Variants in PITPNM3 observed in about 807,000 individuals in gnomAD.
The protein encoded by PITPNM3 is PITPNM family member 3.
PITPNM3 carries 26 observed loss-of-function variants against 102.0 expected under a neutral mutation model. The observed-to-expected ratio is 0.25, with a 90% CI of 0.19 to 0.35. The LOEUF is 0.35. PITPNM3 is among the 10% of genes least tolerant of loss of function. The pLI is 1.00. For synonymous variants in PITPNM3, 578 were observed against 558.6 expected (o/e 1.03, Z -0.49); for missense variants, 1,083 against 1,346.1 (o/e 0.80, Z 3.06).
intron 6 of PITPNM3, among the ~76,000 whole-genome samples, chr17:6,482,091 A>C: frequency 8.1e-6 from 1 of 123,960 alleles, no homozygotes; most frequent in Non-Finnish European, 1.7e-5. Flanking sequence ...TCTCTCTGAC[A>C]TTCTCCTGCC....
chr17:6,554,345 G>C (rs1341189946), intron 1 of PITPNM3, among the ~76,000 whole-genome samples: 2 of 147,104 alleles, frequency 1.4e-5, no homozygotes, highest in African/African-American at 5.0e-5. Context: ...AAAAAGGAGA[G>C]AAGGGACATT....
chr17:6,482,258 G>A (rs150593951), intron 6 of PITPNM3, among the ~76,000 whole-genome samples: 2,709 of 152,044 alleles, frequency 0.018, 25 homozygotes, highest in Non-Finnish European at 0.025. Flanking sequence ...TGGGTTTCCC[G>A]ACTTGGTCTG....
At chr17:6,489,210 G>A (rs957251574) in intron 4 of PITPNM3, among the ~76,000 whole-genome samples, 1 of 152,200 alleles carries the variant, frequency 6.6e-6, no homozygotes, top group Non-Finnish European at 1.5e-5. Flanking sequence ...CGGCTGGAGA[G>A]CATAGCTGTC....
At chr17:6,553,025 G>C (rs927636401) in intron 1 of PITPNM3, among the ~76,000 whole-genome samples, 18 of 149,882 alleles carry the variant, frequency 1.2e-4, no homozygotes, top group Admixed American at 2.6e-4. Context: ...CCGCCTCGGC[G>C]TCCCAAAGTG....
Position 6,455,099 on chromosome 17 carries a change from C to A in PITPNM3, c.*239G>T. ...ATGAACCCTGACTTGGGCTTGCGGT[C>A]GCAGGCCCGTGGGAGGCAGCAGTGG... is the stretch of plus-strand genomic sequence containing the variant. On this transcript the variant is annotated 3_prime_UTR_variant, in exon 20 of 20. Transcript: ENST00000262483. 7.2e-6 allele frequency: 4 copies of A among 555,820 alleles called. No individual in the cohort carries two copies. Among genetic ancestry groups the A allele is most frequent in the Non-Finnish European group, 1.2e-5 (4 of 325,128 alleles). The allele number at this position is 555,820 out of a possible 1,614,324, so 34.4% of individuals were successfully genotyped here. A position where few individuals can be genotyped will look rare whatever the true frequency, so the allele number is the denominator to read the frequency against.
At position 6,472,956 on chromosome 17, in the gene PITPNM3, C is replaced by T; in HGVS notation, c.1259-129G>A. ...AAGAGCCTCCCCGGGCTCCCTGCTC[C>T]CCACGGGAACAAAGCCATTACGTTC... On this transcript the variant is annotated intron_variant, in intron 10 of 19. Transcript: ENST00000262483. This position sits in a 1 kb window ranked among gnomAD's most constrained non-coding sequence, Gnocchi z 4.1. 1.8e-6 allele frequency: 2 copies of T among 1,133,592 alleles called. No homozygotes were observed. The highest frequency in any genetic ancestry group is 2.6e-6 in the Non-Finnish European group (2 of 778,836). 70.2% of individuals were successfully genotyped at this position (1,133,592 alleles called of 1,614,324 possible). A position where few individuals can be genotyped will look rare whatever the true frequency, so the allele number is the denominator to read the frequency against.
chr17:6,451,663 G>A lies in PITPNM3; in HGVS notation c.*3675C>T, dbSNP rs953894686. ...TCACCTGTTTCTCCTTTGCCCCAAA[G>A]AGGGTGGAGTCAAATGCAGATTTTC... On this transcript the variant is annotated 3_prime_UTR_variant, in exon 20 of 20. Transcript: ENST00000262483. 6.6e-6 allele frequency: 1 copy of A among 152,314 alleles called. No individual in the cohort carries two copies. The highest frequency in any genetic ancestry group is 1.5e-5 in the Non-Finnish European group (1 of 68,100). The allele number at this position is 152,314 out of a possible 1,614,324, so 9.4% of individuals were successfully genotyped here. A position where few individuals can be genotyped will look rare whatever the true frequency, so the allele number is the denominator to read the frequency against.
At chr17:6,483,094 G>A (rs1905841055) in intron 6 of PITPNM3, among the ~76,000 whole-genome samples, 2 of 151,960 alleles carry the variant, frequency 1.3e-5, no homozygotes, top group Admixed American at 1.3e-4. Context: ...GCAGGCGCCC[G>A]CCACCTCACC....
intron 10 of PITPNM3, 23 bp downstream of exon 10, chr17:6,474,409 G>A: frequency 6.2e-7 from 1 of 1,611,608 alleles, no homozygotes; most frequent in Non-Finnish European, 8.5e-7. Context: ...GGCACCTCAG[G>A]CCCCAGCCCA....
Position 6,455,233 on chromosome 17 carries a change from G to A in PITPNM3, c.*105C>T. On this transcript the variant is annotated 3_prime_UTR_variant, in exon 20 of 20. Coordinates refer to ENST00000262483, the MANE Select transcript of PITPNM3 (RefSeq NM_031220.4). The stretch of plus-strand genomic sequence containing the variant: ...GACACTGCTGGACAGACACGGGAGG[G>A]AAAAAGCAGGAAAACGCCTGTGTCG... The A allele has an allele frequency of 7.3e-7, 1 of 1,374,786 alleles. No individual in the cohort carries two copies. Among genetic ancestry groups the A allele is most frequent in the Non-Finnish European group, 9.7e-7 (1 of 1,031,214 alleles). 85.2% of individuals were successfully genotyped at this position (1,374,786 alleles called of 1,614,324 possible).
intron 4 of PITPNM3, among the ~76,000 whole-genome samples, chr17:6,486,015 C>T (rs1409785415): frequency 6.6e-6 from 1 of 152,176 alleles, no homozygotes; most frequent in Non-Finnish European, 1.5e-5. Context: ...TGTCTGTCAA[C>T]CCCTGATCTA....
Position 6,454,759 on chromosome 17 carries a change from C to A in PITPNM3, c.*579G>T, listed in dbSNP as rs1390694902. 2 of 152,670 alleles carry A rather than the reference C, an allele frequency of 1.3e-5. No homozygotes were observed. Among genetic ancestry groups the A allele is most frequent in the African/African-American group, 2.4e-5 (1 of 41,340 alleles). 9.5% of individuals were successfully genotyped at this position (152,670 alleles called of 1,614,324 possible). On this transcript the variant is annotated 3_prime_UTR_variant, in exon 20 of 20. Transcript: ENST00000262483. ...AGACCGTCAGCACCAGACCCCACCC[C>A]CGAGGGCTGTGGACAGAGACGGCGT...
chr17:6,506,574 G>T (rs2150613576), intron 3 of PITPNM3, among the ~76,000 whole-genome samples: 1 of 152,302 alleles, frequency 6.6e-6, no homozygotes, highest in Admixed American at 6.5e-5. Flanking sequence ...GTTTTACCAT[G>T]TTGGCCAAGA....
chr17:6,474,835 C>T (rs1447747354), intron 9 of PITPNM3, among the ~76,000 whole-genome samples: 1 of 152,214 alleles, frequency 6.6e-6, no homozygotes, highest in Non-Finnish European at 1.5e-5. Flanking sequence ...TGCAAAGGGC[C>T]AGAGAGTCAA....
At position 6,455,461 on chromosome 17, in the gene PITPNM3, C is replaced by G; in HGVS notation, c.2802G>C (p.Pro934=). The stretch of plus-strand genomic sequence containing the variant: ...GCTCGGGCTTGGGGTTGGCGGCGGG[C>G]GGGTCGGGCTGCTGCACTGACATGG... ...RRTMSVQQPD[P]PAANPKPERA... The change falls in exon 20 of 20, where the codon CCG becomes CCC. Residue 934 remains proline (P), a synonymous_variant. Transcript: ENST00000262483. 6.2e-7 allele frequency: 1 copy of G among 1,604,250 alleles called. No homozygotes were observed. The highest frequency in any genetic ancestry group is 8.5e-7 in the Non-Finnish European group (1 of 1,179,174).
intron 4 of PITPNM3, among the ~76,000 whole-genome samples, chr17:6,485,626 G>A (rs138193367): frequency 1.3e-5 from 2 of 152,352 alleles, no homozygotes; most frequent in Non-Finnish European, 2.9e-5. Context: ...TAGACTCCCA[G>A]AGAGTTAAGG....
At chr17:6,554,890 C>G (rs1910517952) in intron 1 of PITPNM3, among the ~76,000 whole-genome samples, 2 of 152,344 alleles carry the variant, frequency 1.3e-5, no homozygotes, top group East Asian at 3.9e-4. Context: ...CTGCCTAATA[C>G]ATAGAACAAG....
chr17:6,536,808 G>A (rs1006804086), intron 2 of PITPNM3, among the ~76,000 whole-genome samples: 3 of 152,184 alleles, frequency 2.0e-5, no homozygotes, highest in Admixed American at 6.5e-5. Flanking sequence ...AGCCAGCTCC[G>A]TCTCAGGAGT....
At chr17:6,474,722 G>A in intron 9 of PITPNM3, 118 bp from the exon 10 acceptor site, 2 of 1,276,548 alleles carry the variant, frequency 1.6e-6, no homozygotes, top group East Asian at 2.5e-5. Flanking sequence ...CTCCATCTCT[G>A]GGGCGGGGCT....
Sources: gnomAD v4.1 joint callset for allele counts (sites outside exome capture counted in the v4.1 genomes callset) on GRCh38, gnomAD v4.1.1 for gene constraint, Gnocchi (gnomAD v3.1) non-coding constraint, MANE v1.5 for transcripts, NCBI Gene and HGNC (gene_info 2026-07-23, HGNC 2026-07-21) for gene names.